The following DRAM2 variants were observed in gnomAD, a reference collection of about 807,000 sequenced individuals.
DRAM2 encodes DNA damage regulated autophagy modulator 2.
Under a neutral mutation model 33.5 loss-of-function variants are expected in DRAM2, and 26 were observed. That is an observed-to-expected ratio of 0.78 (90% CI 0.57 to 1.08). The LOEUF is 1.08. Among genes scored for constraint, DRAM2 ranks in the 50% least tolerant of loss-of-function variants. DRAM2 has a pLI of 0.00. For missense variants in DRAM2, 311 were observed against 318.1 expected, an observed-to-expected ratio of 0.98 and a Z score of 0.17; for synonymous variants, 98 against 109.5, an observed-to-expected ratio of 0.89 and a Z score of 0.66.
rs1257955255 is a variant in DRAM2 at position 111,138,452 on chromosome 1, G to A, written c.-78-866C>T. On this transcript the variant is annotated intron_variant, in intron 2 of 9. Transcript: ENST00000484310. ...AGCCTTTCAAAATAATTGAGAGTAT[G>A]CAGGAATAAATTTCACAGGGCAGTA... is the stretch of plus-strand genomic sequence containing the variant. Among the ~76,000 whole-genome samples, 4 of 152,328 alleles carry A rather than the reference G, an allele frequency of 2.6e-5. No homozygotes were observed. In the East Asian group the frequency reaches 5.8e-4, roughly 22 times the overall value.
rs1030822263 is a variant in DRAM2, at chr1:111,137,599, C to G, written c.-78-13G>C. ...CCTTTTGTAAATCCTAAAACCGACACAAAGAAAATAAGAAGTTTTTCTCTC... is the reference window on the plus strand; with the variant it reads ...CCTTTTGTAAATCCTAAAACCGACAGAAAGAAAATAAGAAGTTTTTCTCTC... On this transcript the variant is annotated splice_polypyrimidine_tract_variant and intron_variant, in intron 2 of 9. Transcript: ENST00000484310. 6.6e-6 allele frequency: 1 copy of G among 152,114 alleles called. No individual in the cohort carries two copies. Among genetic ancestry groups the G allele is most frequent in the African/African-American group, 2.4e-5 (1 of 41,420 alleles). The allele number at this position is 152,114 out of a possible 1,614,324, so 9.4% of individuals were successfully genotyped here. A position where few individuals can be genotyped will look rare whatever the true frequency, so the allele number is the denominator to read the frequency against.
chr1:111,132,954 A>G (rs1161484785), intron 3 of DRAM2, among the ~76,000 whole-genome samples: 1 of 152,014 alleles, frequency 6.6e-6, no homozygotes, highest in Non-Finnish European at 1.5e-5. Flanking sequence ...TGCTGGAATT[A>G]TAGGTATGAG....
At chr1:111,123,548 C>CA (rs1210970856) in intron 6 of DRAM2, among the ~76,000 whole-genome samples, 1 of 152,138 alleles carries the variant, frequency 6.6e-6, no homozygotes, top group East Asian at 1.9e-4. Flanking sequence ...TCACCTCTAC[C>CA]ATCCCTCAAG....
intron 3 of DRAM2, among the ~76,000 whole-genome samples, chr1:111,135,971 G>A (rs1269924866): frequency 6.6e-6 from 1 of 152,154 alleles, no homozygotes. Flanking sequence ...AGGATTCTAA[G>A]ACTTCAGAGG....
chr1:111,123,315 A>T lies in DRAM2; in HGVS notation c.339+1427T>A, dbSNP rs139064001. On this transcript the variant is annotated intron_variant, in intron 6 of 9. Coordinates refer to ENST00000484310, the MANE Select transcript of DRAM2 (RefSeq NM_001349884.2). ...ACCTGTGCACACCCGCTGCACCCCC[A>T]TATCTAGCAAACATGAATGTCAGTG... Among the ~76,000 whole-genome samples the T allele has an allele frequency of 3.7e-3, 566 of 152,220 alleles. 2 individuals are homozygous for T. The highest frequency in any genetic ancestry group is 6.0e-3 in the Non-Finnish European group (408 of 67,986).
intron 3 of DRAM2, among the ~76,000 whole-genome samples, chr1:111,133,950 T>G (rs1047746559): frequency 1.3e-5 from 2 of 152,226 alleles, no homozygotes; most frequent in Non-Finnish European, 2.9e-5. Flanking sequence ...ACTCATTACA[T>G]TTAACTTGCT....
At position 111,120,470 on chromosome 1, in the gene DRAM2, A is replaced by T. The variant is rs780803331; in HGVS notation, c.517+46T>A. On this transcript the variant is annotated intron_variant, in intron 7 of 9. Transcript: ENST00000484310. ...CAATAGTGTTTACTTAAATCTTGTC[A>T]TTCAATTCCTTTCCAAGTGTAGCCA... 5.9e-6 allele frequency: 8 copies of T among 1,361,198 alleles called. No individual in the cohort carries two copies. In the South Asian group the frequency reaches 1.4e-4, roughly 24 times the overall value. 84.3% of individuals were successfully genotyped at this position (1,361,198 alleles called of 1,614,324 possible). A position where few individuals can be genotyped will look rare whatever the true frequency, so the allele number is the denominator to read the frequency against.
At chr1:111,122,233 C>T (rs1237190004) in intron 6 of DRAM2, among the ~76,000 whole-genome samples, 5 of 152,100 alleles carry the variant, frequency 3.3e-5, no homozygotes, top group Non-Finnish European at 7.4e-5. Flanking sequence ...GATGTATATA[C>T]GTTTCCAAAA....
rs11102216 is a variant in DRAM2 at position 111,135,584 on chromosome 1, T to C, written c.-15+1939A>G. ...ATTTTCAAATATTTTGTCCACCTCA[T>C]TGCTAGTAGCAAAACCTCCTCCCCC... is the stretch of plus-strand genomic sequence containing the variant. On this transcript the variant is annotated intron_variant, in intron 3 of 9. Transcript: ENST00000484310. Among the ~76,000 whole-genome samples the C allele has an allele frequency of 5.9e-3, 905 of 152,346 alleles. 12 individuals carry two copies. Among genetic ancestry groups the C allele is most frequent in the African/African-American group, 0.021 (854 of 41,568 alleles).
chr1:111,118,951 T>C (rs1649457952), intron 8 of DRAM2, 54 bp from the exon 9 acceptor site: 5 of 1,197,072 alleles, frequency 4.2e-6, no homozygotes, highest in Non-Finnish European at 4.6e-6. Context: ...AAACGATCTA[T>C]ATACTATGTT....
Position 111,124,763 on chromosome 1 carries a change from A to G in DRAM2, c.318T>C (p.Leu106=), listed in dbSNP as rs144646313. Residue 106 remains leucine (L), a synonymous_variant, in exon 6 of 10, where the codon CTT becomes CTC. Coordinates refer to ENST00000484310, the MANE Select transcript of DRAM2 (RefSeq NM_001349884.2). ...LVLGILSCLG[L]SIVANFQKTT... ...AAACCTGGAAGTTTGCCACAATAGA[A>G]AGTCCTAAACAACTCAGTATTCCAA... The G allele has an allele frequency of 1.8e-4, 291 of 1,613,366 alleles. No homozygotes were observed. Among genetic ancestry groups the G allele is most frequent in the Non-Finnish European group, 2.4e-4 (283 of 1,179,668 alleles).
At chr1:111,118,752 T>C in intron 9 of DRAM2, 53 bp downstream of exon 9, 1 of 1,418,960 alleles carries the variant, frequency 7.0e-7, no homozygotes, top group Non-Finnish European at 9.7e-7. Flanking sequence ...TCTACCTTCC[T>C]GGACTAAGAG....
At chr1:111,132,977 C>T (rs1194380646) in intron 3 of DRAM2, among the ~76,000 whole-genome samples, 1 of 151,956 alleles carries the variant, frequency 6.6e-6, no homozygotes, top group African/African-American at 2.4e-5. Context: ...ACCCAGCCAG[C>T]CTAGTTTTTC....
chr1:111,121,728 G>T (rs1346732397), intron 6 of DRAM2, among the ~76,000 whole-genome samples: 3 of 151,978 alleles, frequency 2.0e-5, no homozygotes, highest in Non-Finnish European at 2.9e-5. Flanking sequence ...AGCAATAAGA[G>T]AATTTTTTCC....
At chr1:111,126,611 TATCTGTCCCACCAGA>T (rs1291464228) in intron 4 of DRAM2, among the ~76,000 whole-genome samples, 1 of 151,282 alleles carries the variant, frequency 6.6e-6, no homozygotes, top group Non-Finnish European at 1.5e-5. Flanking sequence ...CAGATGGATT[TATCTGTCCCACCAGA>T]ATATTCCCTA....
Position 111,120,534 on chromosome 1 carries a change from C to T in DRAM2, c.499G>A (p.Gly167Arg), listed in dbSNP as rs1403205717. Residue 167 changes from glycine to arginine, a missense_variant, in exon 7 of 10, where the codon GGA becomes AGA. Gly to Arg is a moderately radical substitution (Grantham distance 125). Transcript: ENST00000484310. ...WIRLLLVIWCGVSALSMLTCS... is the reference protein window; with the variant it reads ...WIRLLLVIWCRVSALSMLTCS... ...AGGATACTGCTAAGTGCACTTACTC[C>T]ACACCAGATAACCAACAACAGTCTG... 1 of 1,607,464 alleles carries T rather than the reference C, an allele frequency of 6.2e-7. No homozygotes were observed.
chr1:111,130,573 G>A (rs999661034), intron 4 of DRAM2, among the ~76,000 whole-genome samples: 3 of 151,750 alleles, frequency 2.0e-5, no homozygotes, highest in South Asian at 2.1e-4. Context: ...GGTGGTGTGC[G>A]CCTGTAATTC....
intron 2 of DRAM2, 24 bp from the exon 3 acceptor site, chr1:111,137,610 A>T (rs1026151748): frequency 6.6e-6 from 1 of 152,196 alleles, no homozygotes; most frequent in Non-Finnish European, 1.5e-5. Context: ...AAAGAAAATA[A>T]GAAGTTTTTC....
intron 9 of DRAM2, 96 bp from the exon 10 acceptor site, chr1:111,118,363 T>A: frequency 2.6e-6 from 2 of 784,122 alleles, no homozygotes; most frequent in Middle Eastern, 3.3e-4. Context: ...ATTATGAATG[T>A]AAATCAATTC....
Sources: allele counts gnomAD v4.1 joint callset (sites outside exome capture counted in the v4.1 genomes callset), GRCh38; gene constraint gnomAD v4.1.1; transcripts MANE v1.5; gene names NCBI Gene and HGNC (gene_info 2026-07-23, HGNC 2026-07-21).